Variants in GSE1 observed in about 807,000 individuals in gnomAD.
The protein encoded by GSE1 is genetic suppressor element 1.
In GSE1, 32 loss-of-function variants were observed where a neutral mutation model predicts 112.6. That is an observed-to-expected ratio of 0.28 (90% CI 0.21 to 0.38). GSE1 has a LOEUF of 0.38. GSE1 is among the 10% of genes least tolerant of loss of function. The pLI, the probability that GSE1 is intolerant of heterozygous loss-of-function variation, is 1.00. For synonymous variants in GSE1, 1,115 were observed against 735.6 expected (o/e 1.52, Z -8.35); for missense variants, 2,348 against 1,699.2 (o/e 1.38, Z -6.71).
chr16:85,384,541 A>G (rs2047641993), intron 2 of GSE1, among the ~76,000 whole-genome samples: 1 of 152,172 alleles, frequency 6.6e-6, no homozygotes, highest in African/African-American at 2.4e-5. Context: ...CATGGTGCCG[A>G]CTGGCATCAT....
upstream of GSE1, chr16:85,555,155 C>A: frequency 1.0e-6 from 1 of 985,434 alleles, no homozygotes; most frequent in Non-Finnish European, 1.2e-6. Context: ...CCTACCCTTT[C>A]GCTTTCATTA....
At chr16:85,516,244 C>T (rs1285678464) in intron 2 of GSE1, among the ~76,000 whole-genome samples, 1 of 152,108 alleles carries the variant, frequency 6.6e-6, no homozygotes, top group Non-Finnish European at 1.5e-5. Context: ...GGTGCCAGCA[C>T]CTGTGATCTC....
chr16:85,668,259 G>C lies in GSE1; in HGVS notation c.3250G>C (p.Glu1084Gln). Reference protein sequence around the residue: ...APPPQHNGQQEPPTARKGPPT... With the variant: ...APPPQHNGQQQPPTARKGPPT... The stretch of plus-strand genomic sequence containing the variant: ...TCCACCCCAGCACAATGGGCAGCAG[G>C]AGCCCCCCACTGCAAGGAAGGGCCC... Residue 1084 changes from glutamate (E) to glutamine (Q), a missense_variant, in exon 14 of 16, where the codon GAG becomes CAG. Transcript: ENST00000253458. The C allele has an allele frequency of 2.3e-5, 37 of 1,611,740 alleles. No homozygotes were observed. The highest frequency in any genetic ancestry group is 3.1e-5 in the Non-Finnish European group (37 of 1,177,942).
intron 1 of GSE1, among the ~76,000 whole-genome samples, chr16:85,214,366 C>G (rs765976552): frequency 6.6e-6 from 1 of 151,810 alleles, no homozygotes; most frequent in Non-Finnish European, 1.5e-5. Flanking sequence ...TATCCAGGGA[C>G]TGATGTCCTC....
At chr16:85,259,962 G>A (rs1281302068) in intron 1 of GSE1, among the ~76,000 whole-genome samples, 4 of 152,224 alleles carry the variant, frequency 2.6e-5, no homozygotes, top group East Asian at 3.9e-4. Flanking sequence ...GGCGGGGCCC[G>A]ACACAGCTTC....
At chr16:85,494,275 G>T (rs938056996) in intron 2 of GSE1, among the ~76,000 whole-genome samples, 4 of 152,188 alleles carry the variant, frequency 2.6e-5, no homozygotes, top group Non-Finnish European at 5.9e-5. Context: ...GGTGGCTTCT[G>T]GTGGCTCCTG....
intron 1 of GSE1, among the ~76,000 whole-genome samples, chr16:85,199,290 T>G (rs1423224350): frequency 1.3e-5 from 2 of 151,908 alleles, no homozygotes; most frequent in South Asian, 2.1e-4. Flanking sequence ...TTCACTATGT[T>G]GTCCAGGCTG....
upstream of GSE1, among the ~76,000 whole-genome samples, chr16:85,606,837 A>G (rs1214727376): frequency 1.3e-5 from 2 of 152,228 alleles, no homozygotes; most frequent in Non-Finnish European, 2.9e-5. Context: ...CACTGGTGGC[A>G]GAAGCGTCCA....
At chr16:85,266,219 C>T (rs1451324880) in intron 1 of GSE1, among the ~76,000 whole-genome samples, 1 of 152,190 alleles carries the variant, frequency 6.6e-6, no homozygotes, top group Non-Finnish European at 1.5e-5. Flanking sequence ...GGCCGTAGTG[C>T]CCCCTTCCAG....
intron 1 of GSE1, among the ~76,000 whole-genome samples, chr16:85,211,666 CA>C (rs2075228397): frequency 6.6e-6 from 1 of 152,126 alleles, no homozygotes; most frequent in Non-Finnish European, 1.5e-5. Context: ...CTGGAGAGAC[CA>C]GGGGTGGAGT....
At chr16:85,248,508 TCCTC>T (rs1906112075) in intron 1 of GSE1, among the ~76,000 whole-genome samples, 1 of 151,510 alleles carries the variant, frequency 6.6e-6, no homozygotes, top group African/African-American at 2.4e-5. Context: ...CTCTGCCTCT[TCCTC>T]CCTCTTTGCC....
intron 1 of GSE1, among the ~76,000 whole-genome samples, chr16:85,300,481 A>G (rs2045490558): frequency 6.6e-6 from 1 of 152,172 alleles, no homozygotes; most frequent in African/African-American, 2.4e-5. Context: ...GTAACCACTC[A>G]TCCGCTTCCT....
intron 2 of GSE1, among the ~76,000 whole-genome samples, chr16:85,385,412 G>T (rs76827530): frequency 0.019 from 2,934 of 152,314 alleles, 99 homozygotes; most frequent in African/African-American, 0.068. Context: ...GGGGCCAGAC[G>T]CCTGGACAGA....
chr16:85,170,273 C>G (rs1327886278), exon 1 of GSE1: 2 of 985,628 alleles, frequency 2.0e-6, no homozygotes, highest in Non-Finnish European at 2.4e-6. Context: ...GAGCCCAAGT[C>G]CGGGGTTAGG....
chr16:85,672,096 T>A (rs1186903631), intron 15 of GSE1: 2 of 316,578 alleles, frequency 6.3e-6, no homozygotes, highest in East Asian at 1.7e-4. Flanking sequence ...CCTCCTGGGT[T>A]CAAGCGATTC....
At chr16:85,200,310 C>T (rs1449953388) in intron 1 of GSE1, among the ~76,000 whole-genome samples, 1 of 151,692 alleles carries the variant, frequency 6.6e-6, no homozygotes. Context: ...CAGGTGGGCT[C>T]GCCAACCTCA....
intron 1 of GSE1, among the ~76,000 whole-genome samples, chr16:85,582,406 T>C (rs1229544120): frequency 1.3e-5 from 2 of 152,190 alleles, no homozygotes; most frequent in Non-Finnish European, 2.9e-5. Flanking sequence ...TTCCTGGGAA[T>C]GCTAAGTGCA....
chr16:85,370,482 G>A (rs528942461), intron 2 of GSE1, among the ~76,000 whole-genome samples: 92 of 152,298 alleles, frequency 6.0e-4, no homozygotes, highest in Non-Finnish European at 4.1e-4. Flanking sequence ...GGGAGGAGGC[G>A]CACTACTTGA....
chr16:85,554,777 G>C (rs1486838088), upstream of GSE1: 1 of 635,914 alleles, frequency 1.6e-6, no homozygotes, highest in Non-Finnish European at 2.0e-6. Flanking sequence ...GTCAGTCGTG[G>C]GGGGGGAGGG....
Sources: gnomAD v4.1 joint callset for allele counts (sites outside exome capture counted in the v4.1 genomes callset) on GRCh38, gnomAD v4.1.1 for gene constraint, MANE v1.5 for transcripts, NCBI Gene and HGNC (gene_info 2026-07-23, HGNC 2026-07-21) for gene names.